TASOR: variants seen among roughly 807,000 people sequenced by gnomAD.
TASOR encodes the protein transcription activation suppressor.
In TASOR, 53 loss-of-function variants were observed where a neutral mutation model predicts 178.6. That is an observed-to-expected ratio of 0.30 (90% CI 0.24 to 0.37). The LOEUF (loss-of-function observed/expected upper bound fraction) is 0.37, where lower values mean the gene tolerates loss of function less well. Ranked by LOEUF, TASOR falls within the 10% of genes least tolerant of loss-of-function variation. The probability of loss-of-function intolerance (pLI) is 1.00; values close to 1 mark genes in which losing one functional copy is unlikely to be tolerated. For missense variants in TASOR, 1,815 were observed against 1,971.4 expected (o/e 0.92, Z 1.50); for synonymous variants, 713 against 696.2 (o/e 1.02, Z -0.38).
chr3:56,678,425 C>T (rs1486207314), intron 1 of TASOR, among the ~76,000 whole-genome samples: 2 of 151,802 alleles, frequency 1.3e-5, no homozygotes, highest in African/African-American at 4.8e-5. Context: ...TCGTGATTCG[C>T]CCACCTCGGC....
intron 11 of TASOR, among the ~76,000 whole-genome samples, chr3:56,652,677 G>A (rs370308336): frequency 1.4e-4 from 21 of 152,064 alleles, no homozygotes; most frequent in African/African-American, 2.7e-4. Context: ...TCTGCCTGGC[G>A]TATGATAGGT....
chr3:56,670,208 AT>A, intron 3 of TASOR, 63 bp from the exon 4 acceptor site: 1 of 1,036,414 alleles, frequency 9.6e-7, no homozygotes, highest in Non-Finnish European at 1.4e-6. Flanking sequence ...TGAAAAAATA[AT>A]TTTATAAACT....
At chr3:56,658,900 T>G (rs2077530558) in intron 11 of TASOR, among the ~76,000 whole-genome samples, 2 of 141,246 alleles carry the variant, frequency 1.4e-5, no homozygotes, top group African/African-American at 5.5e-5. Context: ...GGCGAGAGAG[T>G]CTGTCTCAAA....
chr3:56,642,220 T>C (rs2077139175), intron 14 of TASOR, among the ~76,000 whole-genome samples: 1 of 152,248 alleles, frequency 6.6e-6, no homozygotes, highest in South Asian at 2.1e-4. Flanking sequence ...ACTTAAAATC[T>C]ACACCTTATC....
rs556849832 is a variant in TASOR, at chr3:56,662,845, T to G, written c.1055-355A>C. On this transcript the variant is annotated intron_variant, in intron 8 of 23. Coordinates refer to ENST00000683822, the MANE Select transcript of TASOR (RefSeq NM_001365635.2). ...TGGTTGATTATATGAATGCCTACAG[T>G]GTCCTGTATCTTCTACTCATTGTGT... 2.6e-5 allele frequency among the ~76,000 whole-genome samples: 4 copies of G among 152,298 alleles called. 1 individual carries two copies. In the South Asian group the frequency reaches 8.3e-4, roughly 32 times the overall value.
chr3:56,625,007 CTG>C lies in TASOR; in HGVS notation c.4140-3_4140-2del, dbSNP rs758392990. ...CAGACTTAGAGCTTTAGCATTCAATCTGTGAAATTAAGCAGTTCAGTTTCTGG... is the reference window on the plus strand; with the variant it reads ...CAGACTTAGAGCTTTAGCATTCAATCTGAAATTAAGCAGTTCAGTTTCTGG... On this transcript the variant is annotated splice_acceptor_variant and splice_polypyrimidine_tract_variant and intron_variant, in intron 21 of 23. Transcript: ENST00000683822. LOFTEE classifies it high-confidence loss of function. The C allele has an allele frequency of 5.0e-6, 8 of 1,612,994 alleles. No individual in the cohort carries two copies. Among genetic ancestry groups the C allele is most frequent in the South Asian group, 1.1e-5 (1 of 90,936 alleles).
At chr3:56,658,000 ACT>A (rs1402887049) in intron 11 of TASOR, among the ~76,000 whole-genome samples, 4 of 152,226 alleles carry the variant, frequency 2.6e-5, no homozygotes, top group African/African-American at 9.6e-5. Flanking sequence ...ATACATTTTT[ACT>A]TACTGTGGGG....
At chr3:56,677,339 TAC>T (rs1251960073) in intron 1 of TASOR, among the ~76,000 whole-genome samples, 1 of 152,256 alleles carries the variant, frequency 6.6e-6, no homozygotes, top group Non-Finnish European at 1.5e-5. Flanking sequence ...CAGTATTCAA[TAC>T]ACTGTTCTCT....
chr3:56,620,787 A>G lies in TASOR; in HGVS notation c.*2250T>C, dbSNP rs974873683. ...AGGATGTACACATTTACCCATCAATATAGCACCCAGTGTTATTTCAGCAGG... is the reference window on the plus strand; with the variant it reads ...AGGATGTACACATTTACCCATCAATGTAGCACCCAGTGTTATTTCAGCAGG... On this transcript the variant is annotated 3_prime_UTR_variant, in exon 24 of 24. Coordinates refer to ENST00000683822, the MANE Select transcript of TASOR (RefSeq NM_001365635.2). 1 of 152,230 alleles carries G rather than the reference A, an allele frequency of 6.6e-6. No individual in the cohort carries two copies. Among genetic ancestry groups the G allele is most frequent in the East Asian group, 1.9e-4 (1 of 5,184 alleles). 9.4% of individuals were successfully genotyped at this position (152,230 alleles called of 1,614,324 possible). A position where few individuals can be genotyped will look rare whatever the true frequency, so the allele number is the denominator to read the frequency against.
chr3:56,673,459 C>G, intron 2 of TASOR, 121 bp downstream of exon 2: 3 of 255,410 alleles, frequency 1.2e-5, no homozygotes, highest in Non-Finnish European at 2.1e-5. Context: ...AAAAAAAAAA[C>G]TTGTTTTCCC....
chr3:56,669,957 T>A, intron 4 of TASOR, 116 bp downstream of exon 4: 1 of 918,208 alleles, frequency 1.1e-6, no homozygotes, highest in Non-Finnish European at 1.6e-6. Flanking sequence ...CTAGTCTTTT[T>A]CTGGGAACAT....
At chr3:56,653,281 A>G (rs922594079) in intron 11 of TASOR, among the ~76,000 whole-genome samples, 1 of 107,366 alleles carries the variant, frequency 9.3e-6, no homozygotes, top group Non-Finnish European at 1.7e-5. Context: ...AAAAAAAAAA[A>G]AAAAAAAAGA....
At chr3:56,668,939 C>T (rs1415287627) in intron 5 of TASOR, among the ~76,000 whole-genome samples, 1 of 152,110 alleles carries the variant, frequency 6.6e-6, no homozygotes, top group Non-Finnish European at 1.5e-5. Flanking sequence ...TGCCACTGCA[C>T]TCCAGCCTGT....
chr3:56,669,916 T>C (rs2030497772), intron 4 of TASOR, 125 bp from the exon 5 acceptor site: 1 of 894,322 alleles, frequency 1.1e-6, no homozygotes, highest in Non-Finnish European at 1.7e-6. Flanking sequence ...AAACAAAAGA[T>C]AAAACTGATC....
intron 6 of TASOR, among the ~76,000 whole-genome samples, chr3:56,667,085 G>A (rs1377936400): frequency 6.6e-6 from 1 of 152,122 alleles, no homozygotes; most frequent in Non-Finnish European, 1.5e-5. Flanking sequence ...AAAAACGTAA[G>A]GCCAGTTTGC....
chr3:56,683,098 GCT>G lies in TASOR; in HGVS notation c.-94_-93del. 7.4e-7 allele frequency: 1 copy of G among 1,354,152 alleles called. No individual in the cohort carries two copies. Among genetic ancestry groups the G allele is most frequent in the Non-Finnish European group, 9.8e-7 (1 of 1,021,962 alleles). The allele number at this position is 1,354,152 out of a possible 1,614,324, so 83.9% of individuals were successfully genotyped here. A position where few individuals can be genotyped will look rare whatever the true frequency, so the allele number is the denominator to read the frequency against. On this transcript the variant is annotated 5_prime_UTR_variant, in exon 1 of 24. Transcript: ENST00000683822. ...GGCGGGCCAGTCTCGCCGCCGAGCT[GCT>G]CTCAGCCCACCCACCCCCTTCCCCC...
Position 56,650,300 on chromosome 3 carries a change from A to G in TASOR, c.1369-1243T>C, listed in dbSNP as rs187997331. 5.9e-5 allele frequency among the ~76,000 whole-genome samples: 9 copies of G among 152,346 alleles called. No homozygotes were observed. In the East Asian group the frequency reaches 1.7e-3, roughly 29 times the overall value. On this transcript the variant is annotated intron_variant, in intron 11 of 23. Coordinates refer to ENST00000683822, the MANE Select transcript of TASOR (RefSeq NM_001365635.2). ...ACTGTGCTACTAATTCACATTTAAT[A>G]AAAACATTGTTTGCACACTCAAAAG...
At chr3:56,626,917 G>A in intron 21 of TASOR, 120 bp downstream of exon 21, 1 of 606,236 alleles carries the variant, frequency 1.6e-6, no homozygotes, top group Non-Finnish European at 2.9e-6. Context: ...CTCAATTATG[G>A]CTGGCTATGG....
In TASOR at chr3:56,623,038, T is replaced by G; in HGVS notation, c.5012A>C (p.Ter1671SerextTer2). The change falls in exon 24 of 24, where the codon TAA becomes TCA. Residue 1671 changes from the stop codon to serine, a stop_lost. Coordinates refer to ENST00000683822, the MANE Select transcript of TASOR (RefSeq NM_001365635.2). Reference sequence around the variant, plus strand: ...CTCTTAAAAAAAAAGTTACTACAGTTATTTCTCTTGTGAATATGGCCTGGA... The same window carrying G: ...CTCTTAAAAAAAAAGTTACTACAGTGATTTCTCTTGTGAATATGGCCTGGA... ...DSSRPYSQEK[*>S] 1 of 1,528,022 alleles carries G rather than the reference T, an allele frequency of 6.5e-7. No homozygotes were observed. The highest frequency in any genetic ancestry group is 8.8e-7 in the Non-Finnish European group (1 of 1,141,046). 94.7% of individuals were successfully genotyped at this position (1,528,022 alleles called of 1,614,324 possible). A position where few individuals can be genotyped will look rare whatever the true frequency, so the allele number is the denominator to read the frequency against.
Sources: gnomAD v4.1 joint callset for allele counts (sites outside exome capture counted in the v4.1 genomes callset) on GRCh38, gnomAD v4.1.1 for gene constraint, MANE v1.5 for transcripts, NCBI Gene and HGNC (gene_info 2026-07-23, HGNC 2026-07-21) for gene names.